UBR4: variants seen among roughly 807,000 people sequenced by gnomAD.
UBR4 encodes E3 ubiquitin-protein ligase UBR4.
Under a neutral mutation model 575.6 loss-of-function variants are expected in UBR4, and 124 were observed. The observed-to-expected ratio is 0.22, with a 90% CI of 0.19 to 0.25. The LOEUF (loss-of-function observed/expected upper bound fraction) is 0.25. Ranked by LOEUF, UBR4 falls within the 10% of genes least tolerant of loss-of-function variation. UBR4 has a pLI of 1.00. For missense variants in UBR4, 4,818 were observed against 6,478.8 expected (o/e 0.74, Z 8.80); for synonymous variants, 2,455 against 2,473.7 (o/e 0.99, Z 0.22).
chr1:19,165,624 A>G (rs772961222), intron 30 of UBR4, 32 bp downstream of exon 30: 44 of 1,597,350 alleles, frequency 2.8e-5, no homozygotes, highest in Non-Finnish European at 3.1e-5. Flanking sequence ...CATTCAAAAA[A>G]TATTCACTGA....
In UBR4 at chr1:19,106,484, G is replaced by A. The variant is rs1386578784; in HGVS notation, c.12393+85C>T. 25 of 1,453,326 alleles carry A rather than the reference G, an allele frequency of 1.7e-5. No homozygotes were observed. In the Admixed American group the frequency reaches 4.6e-4, roughly 27 times the overall value. 90.0% of individuals were successfully genotyped at this position (1,453,326 alleles called of 1,614,324 possible). A position where few individuals can be genotyped will look rare whatever the true frequency, so the allele number is the denominator to read the frequency against. On this transcript the variant is annotated intron_variant, in intron 83 of 105. Coordinates refer to ENST00000375254, the MANE Select transcript of UBR4 (RefSeq NM_020765.3). ...AAGAGAAAGAAGAGATGGCAGTGCA[G>A]ACACATGGTGAGGGGCAGAAACATA...
At chr1:19,107,581 G>A (rs954431670) in intron 81 of UBR4, among the ~76,000 whole-genome samples, 2 of 152,100 alleles carry the variant, frequency 1.3e-5, no homozygotes, top group Non-Finnish European at 1.5e-5. Context: ...CCAGGAGTTC[G>A]AGACCAGCCT....
In UBR4 at chr1:19,088,074, A is replaced by G; in HGVS notation, c.14431-145T>C. Reference sequence around the variant, plus strand: ...GAGGAAAGCCCTTGAGCTGTCTTCTAATAAGGATAAAGACCCAGGCCCTTC... The same window carrying G: ...GAGGAAAGCCCTTGAGCTGTCTTCTGATAAGGATAAAGACCCAGGCCCTTC... On this transcript the variant is annotated intron_variant, in intron 98 of 105. Transcript: ENST00000375254. This position sits in a 1 kb window ranked among gnomAD's most constrained non-coding sequence, Gnocchi z 4.0. The G allele has an allele frequency of 1.6e-6, 1 of 610,732 alleles. No individual in the cohort carries two copies. 37.8% of individuals were successfully genotyped at this position (610,732 alleles called of 1,614,324 possible).
At position 19,088,951 on chromosome 1, in the gene UBR4, C is replaced by T. The variant is rs747943634; in HGVS notation, c.14238G>A (p.Pro4746=). 24 of 1,614,068 alleles carry T rather than the reference C, an allele frequency of 1.5e-5. No homozygotes were observed. The East Asian group carries it at 1.6e-4, about 10-fold the overall frequency. ...ACACCTGCTCCAGCTTATGCAGGTT[C>T]GGGATGGAATCAGTTCCAATCAGAA... ...TQVLIGTDSI[P]NLHKLEQVSS... The change falls in exon 98 of 106, where the codon CCG becomes CCA. Residue 4746 remains proline (P), a synonymous_variant. Coordinates refer to ENST00000375254, the MANE Select transcript of UBR4 (RefSeq NM_020765.3). The surrounding 1 kb of genome is among the most constrained non-coding windows in gnomAD (Gnocchi z 4.0).
In UBR4 at chr1:19,141,517, G is replaced by C; in HGVS notation, c.8318C>G (p.Ser2773Trp). The C allele has an allele frequency of 6.2e-7, 1 of 1,606,148 alleles. No individual in the cohort carries two copies. Among genetic ancestry groups the C allele is most frequent in the Non-Finnish European group, 8.5e-7 (1 of 1,176,108 alleles). ...DHGDFEMVSE[S>W]MVLETAENVN... is the part of the protein sequence containing the mutation. ...ATTTTCAGCTGTCTCCAGGACCATCGACTCAGACTGCAGAGAGAAAGCTCT... is the reference window on the plus strand; with the variant it reads ...ATTTTCAGCTGTCTCCAGGACCATCCACTCAGACTGCAGAGAGAAAGCTCT... Residue 2773 changes from serine (S) to tryptophan (W), a missense_variant, in exon 57 of 106, where the codon TCG becomes TGG. Around this residue, in one of 29 missense-constraint regions of UBR4, gnomAD observed 129 missense variants for 198.4 expected, o/e 0.65. Coordinates refer to ENST00000375254, the MANE Select transcript of UBR4 (RefSeq NM_020765.3).
At chr1:19,187,049 G>C in intron 13 of UBR4, 115 bp downstream of exon 13, 7 of 822,936 alleles carry the variant, frequency 8.5e-6, no homozygotes, top group Non-Finnish European at 1.1e-5. Flanking sequence ...ATGGTGTGTA[G>C]TCAGTCTTAT....
rs748132760 is a variant in UBR4 at position 19,157,802 on chromosome 1, T to C, written c.5760+13A>G. 60 of 1,611,484 alleles carry C rather than the reference T, an allele frequency of 3.7e-5. No homozygotes were observed. The South Asian group carries it at 6.2e-4, about 17-fold the overall frequency. ...ATGACCTAAAGTAAGCGCACAAGAA[T>C]TGGAGGACCCACCTTGCCCTTCTCA... On this transcript the variant is annotated intron_variant, in intron 40 of 105. Coordinates refer to ENST00000375254, the MANE Select transcript of UBR4 (RefSeq NM_020765.3). The surrounding 1 kb of genome is among the most constrained non-coding windows in gnomAD (Gnocchi z 4.4).
intron 60 of UBR4, among the ~76,000 whole-genome samples, chr1:19,134,142 G>A (rs1302487538): frequency 6.8e-6 from 1 of 147,228 alleles, no homozygotes; most frequent in African/African-American, 2.5e-5. Context: ...ATGGTGGCAA[G>A]CACCTAGCTA....
At chr1:19,146,054 C>G (rs760830592) in intron 52 of UBR4, 121 bp from the exon 53 acceptor site, 17 of 1,575,746 alleles carry the variant, frequency 1.1e-5, no homozygotes, top group Admixed American at 3.7e-5. Flanking sequence ...GGGCCCCAAT[C>G]AATATGCCAA....
At chr1:19,131,747 C>A (rs1252282765) in intron 60 of UBR4, among the ~76,000 whole-genome samples, 1 of 152,200 alleles carries the variant, frequency 6.6e-6, no homozygotes, top group Admixed American at 6.5e-5. Context: ...GTCACGCATG[C>A]CTGTAATCCT....
rs193125988 is a variant in UBR4, at chr1:19,152,869, G to A, written c.6833-393C>T. 1.3e-3 allele frequency among the ~76,000 whole-genome samples: 194 copies of A among 152,330 alleles called. 2 individuals are homozygous for A. In the Middle Eastern group the frequency reaches 0.014, roughly 11 times the overall value. On this transcript the variant is annotated intron_variant, in intron 46 of 105. Transcript: ENST00000375254. The surrounding 1 kb of genome is among the most constrained non-coding windows in gnomAD (Gnocchi z 4.4). Reference sequence around the variant, plus strand: ...CCCTGTAATGGTCTTTGCTTAGCTGGATTTGCTCACTGCTAAACTCAAGCT... The same window carrying A: ...CCCTGTAATGGTCTTTGCTTAGCTGAATTTGCTCACTGCTAAACTCAAGCT...
At chr1:19,177,854 C>A in intron 18 of UBR4, 111 bp from the exon 19 acceptor site, 3 of 1,249,486 alleles carry the variant, frequency 2.4e-6, no homozygotes, top group South Asian at 1.6e-5. Context: ...AGTAAGATAA[C>A]AAATTAAGGA....
At chr1:19,150,899 T>C in intron 48 of UBR4, 106 bp from the exon 49 acceptor site, 1 of 1,091,424 alleles carries the variant, frequency 9.2e-7, no homozygotes, top group South Asian at 1.4e-5. Context: ...ACGTCAATTT[T>C]ATAGACATAG....
intron 51 of UBR4, among the ~76,000 whole-genome samples, chr1:19,147,464 G>A (rs1481256293): frequency 6.6e-6 from 1 of 152,102 alleles, no homozygotes; most frequent in Non-Finnish European, 1.5e-5. Context: ...CCTCCTCAGG[G>A]GTCTGAACTC....
intron 54 of UBR4, 141 bp from the exon 55 acceptor site, chr1:19,144,232 T>C: frequency 4.4e-6 from 3 of 679,318 alleles, no homozygotes; most frequent in Non-Finnish European, 7.5e-6. Context: ...GCGGACCAAG[T>C]TCAGCAGGTT....
In UBR4 at chr1:19,110,886, C is replaced by T; in HGVS notation, c.11802-54G>A. 1 of 1,535,572 alleles carries T rather than the reference C, an allele frequency of 6.5e-7. No homozygotes were observed. The highest frequency in any genetic ancestry group is 8.9e-7 in the Non-Finnish European group (1 of 1,120,514). ...ATAATTCACAATCAGGTGTGACACT[C>T]CTTTCCACCTGAAGGGGCCCAGGGA... On this transcript the variant is annotated intron_variant, in intron 78 of 105. Coordinates refer to ENST00000375254, the MANE Select transcript of UBR4 (RefSeq NM_020765.3). The surrounding 1 kb of genome is among the most constrained non-coding windows in gnomAD (Gnocchi z 4.5).
chr1:19,186,142 T>C (rs1347338396), intron 14 of UBR4, among the ~76,000 whole-genome samples: 1 of 152,192 alleles, frequency 6.6e-6, no homozygotes, highest in East Asian at 1.9e-4. Context: ...GTTTCTCTAC[T>C]CAAGCTTCCC....
chr1:19,105,394 G>A (rs2079077163), intron 84 of UBR4, among the ~76,000 whole-genome samples: 1 of 152,216 alleles, frequency 6.6e-6, no homozygotes, highest in African/African-American at 2.4e-5. Flanking sequence ...GCACACTGCA[G>A]GGAGTGAATG....
rs549838886 is a variant in UBR4, at chr1:19,084,938, ACC to A, written c.14814-242_14814-241del. 4.3e-4 allele frequency among the ~76,000 whole-genome samples: 66 copies of A among 152,314 alleles called. 1 individual carries two copies. Among genetic ancestry groups the A allele is most frequent in the Admixed American group, 9.8e-4 (15 of 15,308 alleles). On this transcript the variant is annotated intron_variant, in intron 101 of 105. Transcript: ENST00000375254. ...ACTCGCCAAGTTTTGATGAGAGCCC[ACC>A]ACTCTTGGGCGCCCATTTCTTAATG...
Sources: gnomAD v4.1 joint callset for allele counts (sites outside exome capture counted in the v4.1 genomes callset) on GRCh38, gnomAD v4.1.1 for gene constraint, gnomAD v4.1.1 regional missense constraint, Gnocchi (gnomAD v3.1) non-coding constraint, MANE v1.5 for transcripts, NCBI Gene and HGNC (gene_info 2026-07-23, HGNC 2026-07-21) for gene names.